ZDHHC11B: variants seen among roughly 807,000 people sequenced by gnomAD.
ZDHHC11B encodes probable palmitoyltransferase ZDHHC11B.
A neutral mutation model predicts 42.3 loss-of-function variants in ZDHHC11B; 17 were observed. The ratio of observed to expected loss-of-function variants is 0.40; its 90% CI spans 0.27 to 0.60. ZDHHC11B has a LOEUF of 0.60. ZDHHC11B is among the 20% of genes least tolerant of loss of function. The pLI, the probability that ZDHHC11B is intolerant of heterozygous loss-of-function variation, is 0.41. For missense variants in ZDHHC11B, 262 were observed against 463.2 expected (o/e 0.57, Z 3.99); for synonymous variants, 123 against 193.5 (o/e 0.64, Z 3.02).
chr5:730,106 T>G (rs556564945), intron 12 of ZDHHC11B, among the ~76,000 whole-genome samples: 1 of 151,836 alleles, frequency 6.6e-6, no homozygotes, highest in East Asian at 1.9e-4. Context: ...TGACAAGATC[T>G]GACTCTCAAT....
chr5:732,674 C>G (rs1743108862), intron 11 of ZDHHC11B: 5 of 448,954 alleles, frequency 1.1e-5, no homozygotes, highest in African/African-American at 2.0e-5. Context: ...CCTGCCCCCA[C>G]AGGGAAGGAC....
intron 4 of ZDHHC11B, among the ~76,000 whole-genome samples, chr5:763,388 G>A (rs199823144): frequency 1.9e-5 from 2 of 104,650 alleles, no homozygotes; most frequent in Non-Finnish European, 3.4e-5. Flanking sequence ...AAAAAAAAAA[G>A]AAGAAGAAGA....
intron 1 of ZDHHC11B, among the ~76,000 whole-genome samples, chr5:774,691 C>T (rs1287382756): frequency 6.7e-6 from 1 of 149,038 alleles, no homozygotes; most frequent in Non-Finnish European, 1.5e-5. Context: ...TAACTAGGAC[C>T]TGGGGTCTGT....
At chr5:780,902 G>A (rs1454592739) in intron 1 of ZDHHC11B, among the ~76,000 whole-genome samples, 2 of 151,322 alleles carry the variant, frequency 1.3e-5, no homozygotes, top group African/African-American at 4.9e-5. Flanking sequence ...AGGAGAGGGT[G>A]GACGCCCCAG....
chr5:722,690 G>A (rs1579248150), intron 12 of ZDHHC11B, among the ~76,000 whole-genome samples: 1 of 151,672 alleles, frequency 6.6e-6, no homozygotes, highest in Non-Finnish European at 1.5e-5. Flanking sequence ...CTGTACAACA[G>A]GAGATCTGTC....
At chr5:776,854 C>T (rs1736540989) in intron 1 of ZDHHC11B, among the ~76,000 whole-genome samples, 1 of 152,010 alleles carries the variant, frequency 6.6e-6, no homozygotes, top group African/African-American at 2.4e-5. Flanking sequence ...AGCCCTTTGG[C>T]AGATGGTTCT....
At chr5:751,582 GA>G (rs1745759621) in intron 6 of ZDHHC11B, among the ~76,000 whole-genome samples, 1 of 98,262 alleles carries the variant, frequency 1.0e-5, no homozygotes, top group Non-Finnish European at 2.2e-5. Context: ...CAGAGGCAGG[GA>G]TGGGGACGCG....
rs911849404 is a variant in ZDHHC11B at position 741,233 on chromosome 5, A to G, written c.935+361T>C. ...AATGGGTTGGACTCTCAGAGCTTAC[A>G]ATGTCTATGAAACACTATTAGAGAT... On this transcript the variant is annotated intron_variant, in intron 10 of 13. Coordinates refer to ENST00000508859, the MANE Select transcript of ZDHHC11B (RefSeq NM_001351303.2). Among the ~76,000 whole-genome samples, 12 of 139,748 alleles carry G rather than the reference A, an allele frequency of 8.6e-5. 1 individual carries two copies. Among genetic ancestry groups the G allele is most frequent in the Admixed American group, 6.9e-4 (9 of 13,056 alleles). 91.7% of individuals were successfully genotyped at this position (139,748 alleles called of 152,430 possible).
intron 12 of ZDHHC11B, among the ~76,000 whole-genome samples, chr5:726,004 C>T (rs576712646): frequency 8.1e-5 from 12 of 147,682 alleles, no homozygotes; most frequent in Non-Finnish European, 1.5e-4. Context: ...TCTTCACACG[C>T]GAAATCCTGC....
At position 711,664 on chromosome 5, in the gene ZDHHC11B, C is replaced by T. The variant is rs1262185485; in HGVS notation, c.*626G>A. 1 of 151,424 alleles carries T rather than the reference C, an allele frequency of 6.6e-6. No individual in the cohort carries two copies. Among genetic ancestry groups the T allele is most frequent in the African/African-American group, 2.5e-5 (1 of 39,978 alleles). The allele number at this position is 151,424 out of a possible 1,614,324, so 9.4% of individuals were successfully genotyped here. The stretch of plus-strand genomic sequence containing the variant: ...CCTATCTCCCAGTGCTGTTTGCTCC[C>T]ATTTCCCAGTACTGTGCTCCTATTC... On this transcript the variant is annotated 3_prime_UTR_variant, in exon 14 of 14. Transcript: ENST00000508859.
chr5:741,918 G>GCAAAAAACA (rs1744204753), intron 9 of ZDHHC11B, among the ~76,000 whole-genome samples: 1 of 41,340 alleles, frequency 2.4e-5, no homozygotes, highest in Admixed American at 2.9e-4. Context: ...TAACTCCCAC[G>GCAAAAAACA]CAGGAGACTT....
At chr5:751,747 C>A (rs1293307799) in intron 6 of ZDHHC11B, among the ~76,000 whole-genome samples, 2 of 126,030 alleles carry the variant, frequency 1.6e-5, no homozygotes, top group African/African-American at 2.6e-5. Context: ...TCCTGTGACG[C>A]CCCCCCAGGT....
intron 4 of ZDHHC11B, among the ~76,000 whole-genome samples, chr5:760,975 G>GC (rs1734531570): frequency 6.6e-6 from 1 of 151,794 alleles, no homozygotes; most frequent in African/African-American, 2.4e-5. Context: ...GTCTGGATAT[G>GC]CCATGATGCT....
intron 11 of ZDHHC11B, chr5:731,914 CT>C (rs1374412443): frequency 6.6e-6 from 1 of 152,424 alleles, no homozygotes; most frequent in Non-Finnish European, 1.5e-5. Context: ...TATGCAGCTG[CT>C]GCAGCACAGT....
intron 1 of ZDHHC11B, among the ~76,000 whole-genome samples, chr5:774,540 GC>G (rs112327006): frequency 0.051 from 5,276 of 103,854 alleles, 4 homozygotes; most frequent in African/African-American, 0.23. Flanking sequence ...CCAGGGGTCT[GC>G]CCCTTGAGCC....
chr5:739,059 T>G (rs1230217795), intron 10 of ZDHHC11B, among the ~76,000 whole-genome samples: 1 of 150,488 alleles, frequency 6.6e-6, no homozygotes. Context: ...GACAAAGGAC[T>G]AATATCCAGA....
intron 4 of ZDHHC11B, among the ~76,000 whole-genome samples, chr5:764,587 C>T (rs1735031551): frequency 6.6e-6 from 1 of 151,946 alleles, no homozygotes; most frequent in African/African-American, 2.4e-5. Flanking sequence ...TGGGCCTCAG[C>T]TGCCTCCCTG....
intron 1 of ZDHHC11B, among the ~76,000 whole-genome samples, chr5:784,016 G>A (rs1343792690): frequency 9.2e-5 from 14 of 151,500 alleles, no homozygotes; most frequent in African/African-American, 3.4e-4. Context: ...TGCTCCCAGG[G>A]GTGCGGGAAG....
At chr5:746,586 C>T (rs1744855979) in intron 8 of ZDHHC11B, among the ~76,000 whole-genome samples, 2 of 146,760 alleles carry the variant, frequency 1.4e-5, no homozygotes, top group African/African-American at 4.9e-5. Context: ...CAGGTCATCC[C>T]TCCCAGCCCC....
Sources: gnomAD v4.1 joint callset for allele counts (sites outside exome capture counted in the v4.1 genomes callset) on GRCh38, gnomAD v4.1.1 for gene constraint, MANE v1.5 for transcripts, NCBI Gene and HGNC (gene_info 2026-07-23, HGNC 2026-07-21) for gene names.